Variants in TRIM2 observed in about 807,000 individuals in gnomAD.
TRIM2 encodes tripartite motif containing 2.
In TRIM2, 20 loss-of-function variants were observed where a neutral mutation model predicts 75.2. The observed-to-expected ratio is 0.27, with a 90% CI of 0.19 to 0.39. TRIM2 has a LOEUF of 0.39. Among genes scored for constraint, TRIM2 ranks in the 10% least tolerant of loss-of-function variants. The pLI is 1.00. For missense variants in TRIM2, 660 were observed against 990.8 expected (o/e 0.67, Z 4.48); for synonymous variants, 373 against 388.3 (o/e 0.96, Z 0.46).
Position 153,225,600 on chromosome 4 carries a change from G to A in TRIM2, c.30+21040G>A, listed in dbSNP as rs187423329. ...TATTTTCTCTGGAAGAAAATGACAG[G>A]TCTTTTGAAATGGGTAGTATTTGGT... On this transcript the variant is annotated intron_variant, in intron 1 of 11. Coordinates refer to ENST00000338700, the MANE Select transcript of TRIM2 (RefSeq NM_015271.5). Among the ~76,000 whole-genome samples, 519 of 152,254 alleles carry A rather than the reference G, an allele frequency of 3.4e-3. 5 individuals are homozygous for A. The highest frequency in any genetic ancestry group is 0.012 in the African/African-American group (496 of 41,550).
At chr4:153,317,102 G>A (rs1324569943) in intron 8 of TRIM2, among the ~76,000 whole-genome samples, 7 of 150,064 alleles carry the variant, frequency 4.7e-5, no homozygotes, top group Non-Finnish European at 1.5e-5. Flanking sequence ...GGATGGTCTG[G>A]ATCTCCTGAC....
chr4:153,312,018 C>A (rs912390653), intron 6 of TRIM2, among the ~76,000 whole-genome samples: 2 of 151,116 alleles, frequency 1.3e-5, no homozygotes, highest in African/African-American at 4.9e-5. Context: ...CACCCACTAA[C>A]TCGTCATCTA....
chr4:153,233,032 C>T (rs994809831), intron 1 of TRIM2, among the ~76,000 whole-genome samples: 1 of 152,190 alleles, frequency 6.6e-6, no homozygotes, highest in African/African-American at 2.4e-5. Flanking sequence ...AAATGCATTC[C>T]AGCAGTCATC....
At chr4:153,174,953 T>C (rs1731256534) in intron 1 of TRIM2, among the ~76,000 whole-genome samples, 1 of 152,190 alleles carries the variant, frequency 6.6e-6, no homozygotes, top group African/African-American at 2.4e-5. Flanking sequence ...TGATCCAAGT[T>C]CCCACATCTT....
chr4:153,261,689 G>A (rs1228752323), intron 1 of TRIM2, among the ~76,000 whole-genome samples: 2 of 152,210 alleles, frequency 1.3e-5, no homozygotes, highest in African/African-American at 2.4e-5. Flanking sequence ...TTCTCCAGAA[G>A]AGCGATTTAA....
intron 3 of TRIM2, among the ~76,000 whole-genome samples, chr4:153,287,356 G>A (rs1237253812): frequency 6.6e-6 from 1 of 152,174 alleles, no homozygotes; most frequent in African/African-American, 2.4e-5. Flanking sequence ...GTTGGATTAT[G>A]TTTTCAATCC....
At chr4:153,196,815 C>A (rs372700237) in intron 1 of TRIM2, among the ~76,000 whole-genome samples, 1 of 152,216 alleles carries the variant, frequency 6.6e-6, no homozygotes, top group Non-Finnish European at 1.5e-5. Context: ...TCTCTCCCAA[C>A]AAACGGAAAA....
intron 10 of TRIM2, among the ~76,000 whole-genome samples, chr4:153,325,816 G>A (rs183794536): frequency 5.1e-4 from 78 of 152,322 alleles, no homozygotes; most frequent in African/African-American, 1.6e-3. Flanking sequence ...CCTGTCCAGT[G>A]CTCCAGGCAA....
chr4:153,226,592 G>A (rs989943732), intron 1 of TRIM2, among the ~76,000 whole-genome samples: 4 of 152,184 alleles, frequency 2.6e-5, no homozygotes, highest in African/African-American at 9.6e-5. Flanking sequence ...TTTGAGGGAC[G>A]CCTTTTTTAG....
intron 3 of TRIM2, among the ~76,000 whole-genome samples, chr4:153,283,861 C>CTTTTTTTTTTTTTTT (rs71598257): frequency 9.4e-5 from 5 of 53,276 alleles, no homozygotes; most frequent in African/African-American, 4.3e-4. Flanking sequence ...TGGCCTTGAT[C>CTTTTTTTTTTTTTTT]TTTTTTTTTT....
At chr4:153,168,914 TAATCAATC>T (rs1469914623) in intron 1 of TRIM2, among the ~76,000 whole-genome samples, 1 of 152,042 alleles carries the variant, frequency 6.6e-6, no homozygotes, top group Non-Finnish European at 1.5e-5. Context: ...CCGTCTCTAC[TAATCAATC>T]AATCAATCAA....
intron 3 of TRIM2, among the ~76,000 whole-genome samples, chr4:153,279,314 T>C (rs1358814864): frequency 1.3e-5 from 2 of 152,198 alleles, no homozygotes; most frequent in Non-Finnish European, 2.9e-5. Flanking sequence ...GCAACTAAAA[T>C]TAATCTTATA....
intron 1 of TRIM2, among the ~76,000 whole-genome samples, chr4:153,266,449 T>G (rs1335875905): frequency 6.6e-6 from 1 of 150,588 alleles, no homozygotes; most frequent in Admixed American, 6.6e-5. Flanking sequence ...TTCAAGCGAT[T>G]CTCCTGCCAC....
intron 1 of TRIM2, among the ~76,000 whole-genome samples, chr4:153,206,778 AC>A (rs1299869035): frequency 1.3e-5 from 2 of 152,178 alleles, no homozygotes; most frequent in Non-Finnish European, 2.9e-5. Context: ...TCCCCTGGCA[AC>A]CAGCCCCCTC....
intron 3 of TRIM2, among the ~76,000 whole-genome samples, chr4:153,290,662 C>T (rs376720395): frequency 1.8e-4 from 27 of 152,196 alleles, no homozygotes; most frequent in South Asian, 1.0e-3. Flanking sequence ...GATCTTGCTC[C>T]GATACCCAGG....
At position 153,323,949 on chromosome 4, in the gene TRIM2, C is replaced by CT. The variant is rs1274084449; in HGVS notation, c.1952-128dup. ...GTCTGGCTGAATGATCTTTCAAAGA[C>CT]TGAGTCTATGATTCTTTGTACTTTC... On this transcript the variant is annotated intron_variant, in intron 9 of 11. Coordinates refer to ENST00000338700, the MANE Select transcript of TRIM2 (RefSeq NM_015271.5). 1.3e-5 allele frequency: 9 copies of CT among 712,700 alleles called. No homozygotes were observed. In the African/African-American group the frequency reaches 1.6e-4, roughly 13 times the overall value. 44.1% of individuals were successfully genotyped at this position (712,700 alleles called of 1,614,324 possible). A position where few individuals can be genotyped will look rare whatever the true frequency, so the allele number is the denominator to read the frequency against.
Position 153,245,020 on chromosome 4 carries a change from T to C in TRIM2, c.31-25315T>C, listed in dbSNP as rs146320736. Among the ~76,000 whole-genome samples the C allele has an allele frequency of 2.9e-3, 449 of 152,310 alleles. 5 individuals carry two copies. The highest frequency in any genetic ancestry group is 0.01 in the African/African-American group (427 of 41,566). On this transcript the variant is annotated intron_variant, in intron 1 of 11. Transcript: ENST00000338700. ...TCTTTTTTCTACCATCTTCTGTGGG[T>C]AAAATCTAGGGGGCTTGTGACCCTC...
intron 1 of TRIM2, among the ~76,000 whole-genome samples, chr4:153,171,321 C>G (rs1730822644): frequency 6.6e-6 from 1 of 152,222 alleles, no homozygotes. Flanking sequence ...CGTGGTGACT[C>G]ACACCTGTAA....
intron 1 of TRIM2, among the ~76,000 whole-genome samples, chr4:153,191,816 T>C (rs893267118): frequency 6.6e-6 from 1 of 152,214 alleles, no homozygotes; most frequent in African/African-American, 2.4e-5. Context: ...AGCCTTCCTA[T>C]AGTATATAGA....
Sources: gnomAD v4.1 joint callset for allele counts (sites outside exome capture counted in the v4.1 genomes callset) on GRCh38, gnomAD v4.1.1 for gene constraint, MANE v1.5 for transcripts, NCBI Gene and HGNC (gene_info 2026-07-23, HGNC 2026-07-21) for gene names.